Variants in RBFOX1 observed in about 807,000 individuals in gnomAD.
RBFOX1 encodes the protein RNA binding fox-1 homolog 1.
RBFOX1 carries 8 observed loss-of-function variants against 57.7 expected under a neutral mutation model. The observed-to-expected ratio is 0.14, with a 90% CI of 0.08 to 0.25. The LOEUF is 0.25. Ranked by LOEUF, RBFOX1 falls within the 10% of genes least tolerant of loss-of-function variation. RBFOX1 has a pLI of 1.00. For synonymous variants in RBFOX1, 326 were observed against 222.4 expected, an observed-to-expected ratio of 1.47 and a Z score of -4.15; for missense variants, 611 against 548.5, an observed-to-expected ratio of 1.11 and a Z score of -1.14.
intron 1 of RBFOX1, among the ~76,000 whole-genome samples, chr16:6,150,055 A>G (rs1399642767): frequency 1.3e-5 from 2 of 152,174 alleles, no homozygotes; most frequent in Non-Finnish European, 2.9e-5. Flanking sequence ...GCGCGATTCT[A>G]TGCACTGTGG....
chr16:7,660,156 A>G (rs1169015803), intron 12 of RBFOX1, among the ~76,000 whole-genome samples: 1 of 152,170 alleles, frequency 6.6e-6, no homozygotes, highest in Non-Finnish European at 1.5e-5. Context: ...TTTTTTTTAA[A>G]GTAAACTAAT....
intron 3 of RBFOX1, among the ~76,000 whole-genome samples, chr16:6,968,698 A>T (rs147816681): frequency 2.6e-4 from 40 of 152,242 alleles, no homozygotes; most frequent in African/African-American, 9.1e-4. Flanking sequence ...TCGAGTACAC[A>T]TACTAACTCC....
At position 6,933,449 on chromosome 16, in the gene RBFOX1, A is replaced by T. The variant is rs201850828; in HGVS notation, c.-15-118608A>T. On this transcript the variant is annotated intron_variant, in intron 3 of 15. Coordinates refer to ENST00000550418, the MANE Select transcript of RBFOX1 (RefSeq NM_018723.4). Reference sequence around the variant, plus strand: ...CCATCCTGGCCAGGTGCAGTGGCTCATGCCTGTAATCCCGGCTCTTTGGGA... The same window carrying T: ...CCATCCTGGCCAGGTGCAGTGGCTCTTGCCTGTAATCCCGGCTCTTTGGGA... Among the ~76,000 whole-genome samples the T allele has an allele frequency of 1.0e-4, 16 of 152,388 alleles. No homozygotes were observed. In the East Asian group the frequency reaches 1.9e-3, roughly 18 times the overall value.
chr16:6,969,168 T>C (rs1028551931), intron 3 of RBFOX1, among the ~76,000 whole-genome samples: 1 of 152,118 alleles, frequency 6.6e-6, no homozygotes, highest in African/African-American at 2.4e-5. Context: ...CCAAAATAGG[T>C]AACTTAACTT....
intron 2 of RBFOX1, among the ~76,000 whole-genome samples, chr16:6,362,173 C>T (rs1342170416): frequency 6.6e-6 from 1 of 152,002 alleles, no homozygotes; most frequent in African/African-American, 2.4e-5. Context: ...TCCTGCCCAC[C>T]CCACGCCCCC....
At chr16:7,252,495 T>A (rs1001606009) in intron 4 of RBFOX1, among the ~76,000 whole-genome samples, 1 of 152,202 alleles carries the variant, frequency 6.6e-6, no homozygotes, top group African/African-American at 2.4e-5. Context: ...TCTGGAAATT[T>A]TGCACAGATC....
chr16:6,869,621 G>A (rs1348526182), intron 3 of RBFOX1, among the ~76,000 whole-genome samples: 1 of 152,108 alleles, frequency 6.6e-6, no homozygotes, highest in East Asian at 1.9e-4. Flanking sequence ...AATATAATTG[G>A]AATCTGTTTT....
intron 2 of RBFOX1, among the ~76,000 whole-genome samples, chr16:6,581,827 T>A (rs7206001): frequency 1.3e-5 from 2 of 152,124 alleles, no homozygotes; most frequent in Non-Finnish European, 1.5e-5. Context: ...TTTGGTGTTA[T>A]ATCCCTCAAA....
intron 2 of RBFOX1, among the ~76,000 whole-genome samples, chr16:6,334,884 A>G (rs911745436): frequency 2.6e-5 from 4 of 152,160 alleles, no homozygotes; most frequent in Non-Finnish European, 4.4e-5. Flanking sequence ...AGAGGGAGAG[A>G]TATTTGCTTC....
At chr16:6,621,974 T>G (rs1233630731) in intron 2 of RBFOX1, among the ~76,000 whole-genome samples, 3 of 152,158 alleles carry the variant, frequency 2.0e-5, no homozygotes, top group Admixed American at 6.5e-5. Flanking sequence ...GCTACATAAT[T>G]GCTGCTAGGT....
rs1217984515 is a variant in RBFOX1, at chr16:7,596,082, GTTTTT to G, written c.561+444_561+448del. On this transcript the variant is annotated intron_variant, in intron 8 of 15. Transcript: ENST00000550418. ...CCAAATTGGGAAAGCAAAAAAGATT[GTTTTT>G]TTGTTTGTTTTTTTTTGTTTGTTTG... 9.8e-5 allele frequency among the ~76,000 whole-genome samples: 3 copies of G among 30,610 alleles called. No individual in the cohort carries two copies. In the Admixed American group the frequency reaches 1.3e-3, roughly 13 times the overall value. 20.1% of individuals were successfully genotyped at this position (30,610 alleles called of 152,430 possible). A position where few individuals can be genotyped will look rare whatever the true frequency, so the allele number is the denominator to read the frequency against.
chr16:7,121,984 T>C (rs1282717148), intron 4 of RBFOX1, among the ~76,000 whole-genome samples: 3 of 152,072 alleles, frequency 2.0e-5, no homozygotes, highest in East Asian at 3.9e-4. Flanking sequence ...CCAAATCATA[T>C]GCTTTACAAA....
At chr16:6,788,411 TAGTC>T (rs973752695) in intron 3 of RBFOX1, among the ~76,000 whole-genome samples, 122 of 152,110 alleles carry the variant, frequency 8.0e-4, no homozygotes, top group African/African-American at 2.6e-3. Context: ...TCTCTGAAAA[TAGTC>T]AGCCTGCTTT....
chr16:7,095,845 T>C, intron 4 of RBFOX1, among the ~76,000 whole-genome samples: 1 of 151,630 alleles, frequency 6.6e-6, no homozygotes. Context: ...ACACCTTCTG[T>C]ACTAAAAATA....
At chr16:5,976,843 T>C (rs1310978931) in intron 4 of RBFOX1, among the ~76,000 whole-genome samples, 1 of 152,198 alleles carries the variant, frequency 6.6e-6, no homozygotes, top group Non-Finnish European at 1.5e-5. Context: ...CACTTCAGCC[T>C]GGGCAGCAGA....
chr16:7,233,105 G>A (rs781458813), intron 4 of RBFOX1, among the ~76,000 whole-genome samples: 3 of 151,976 alleles, frequency 2.0e-5, no homozygotes, highest in Non-Finnish European at 4.4e-5. Context: ...AATGTACATA[G>A]GATGCTTTCC....
chr16:6,700,610 A>G (rs1163261636), intron 3 of RBFOX1, among the ~76,000 whole-genome samples: 1 of 152,152 alleles, frequency 6.6e-6, no homozygotes, highest in East Asian at 1.9e-4. Context: ...GTGAGCTGAG[A>G]TCGCACCACT....
At chr16:6,329,764 G>A (rs192062162) in intron 2 of RBFOX1, among the ~76,000 whole-genome samples, 26 of 152,152 alleles carry the variant, frequency 1.7e-4, no homozygotes, top group African/African-American at 5.8e-4. Flanking sequence ...AAACCATGTC[G>A]CTTCTAAAAA....
chr16:6,742,810 T>G (rs2072597692), intron 3 of RBFOX1, among the ~76,000 whole-genome samples: 3 of 152,122 alleles, frequency 2.0e-5, no homozygotes, highest in African/African-American at 4.8e-5. Flanking sequence ...TTGGACATAG[T>G]TGCCAGTATG....
Sources: gnomAD v4.1 joint callset for allele counts (sites outside exome capture counted in the v4.1 genomes callset) on GRCh38, gnomAD v4.1.1 for gene constraint, MANE v1.5 for transcripts, NCBI Gene and HGNC (gene_info 2026-07-23, HGNC 2026-07-21) for gene names.